Variants in EVC observed in about 807,000 individuals in gnomAD.
EVC encodes evC complex member EVC.
Under a neutral mutation model 118.9 loss-of-function variants are expected in EVC, and 116 were observed. The observed-to-expected ratio is 0.98, with a 90% confidence interval of 0.84 to 1.14. The LOEUF (loss-of-function observed/expected upper bound fraction) is 1.14. EVC is among the 50% of genes most tolerant of loss of function. The pLI, the probability that EVC is intolerant of heterozygous loss-of-function variation, is 0.00. For synonymous variants in EVC, 619 were observed against 534.7 expected (o/e 1.16, Z -2.18); for missense variants, 1,401 against 1,246.4 (o/e 1.12, Z -1.87).
chr4:5,800,310 A>C (rs956908084), intron 15 of EVC, among the ~76,000 whole-genome samples: 14 of 152,126 alleles, frequency 9.2e-5, no homozygotes, highest in African/African-American at 3.1e-4. Flanking sequence ...ACACCACTGC[A>C]CTCCAGCCTG....
intron 11 of EVC, among the ~76,000 whole-genome samples, chr4:5,757,156 T>C (rs12501386): frequency 1.3e-5 from 2 of 151,992 alleles, no homozygotes; most frequent in African/African-American, 4.8e-5. Context: ...AGGACTGTGT[T>C]TGGGGACCCG....
In EVC at chr4:5,737,441, T is replaced by A. The variant is rs1002746887; in HGVS notation, c.702+4006T>A. On this transcript the variant is annotated intron_variant, in intron 5 of 20. Transcript: ENST00000264956. This position sits in a 1 kb window ranked among gnomAD's most constrained non-coding sequence, Gnocchi z 5.0. Reference sequence around the variant, plus strand: ...TCAATGCAGATGAAATAGCACAATATGGTCATGGAAGAAGATGCCATCTAA... The same window carrying A: ...TCAATGCAGATGAAATAGCACAATAAGGTCATGGAAGAAGATGCCATCTAA... Among the ~76,000 whole-genome samples, 2 of 152,194 alleles carry A rather than the reference T, an allele frequency of 1.3e-5. No individual in the cohort carries two copies. Among genetic ancestry groups the A allele is most frequent in the African/African-American group, 4.8e-5 (2 of 41,448 alleles).
the EVC span, among the ~76,000 whole-genome samples, chr4:5,820,495 AAG>A: frequency 1.3e-5 from 2 of 152,202 alleles, no homozygotes; most frequent in African/African-American, 4.8e-5. Flanking sequence ...TACAAGAAGA[AAG>A]AGAGCCAGGA....
intron 2 of EVC, among the ~76,000 whole-genome samples, chr4:5,722,549 G>A (rs1022283825): frequency 3.9e-5 from 6 of 152,118 alleles, no homozygotes; most frequent in African/African-American, 1.2e-4. Flanking sequence ...CCACGCCTTG[G>A]ATGACCTCTG....
chr4:5,752,579 C>T (rs1041096864), intron 8 of EVC: 12 of 571,300 alleles, frequency 2.1e-5, no homozygotes, highest in African/African-American at 1.3e-4. Context: ...CTCTGGGGAG[C>T]GCTACTGGTG....
At position 5,771,537 on chromosome 4, in the gene EVC, C is replaced by T. The variant is rs1007291933; in HGVS notation, c.1564-12015C>T. 5.3e-5 allele frequency among the ~76,000 whole-genome samples: 8 copies of T among 152,140 alleles called. No individual in the cohort carries two copies. In the East Asian group the frequency reaches 5.8e-4, roughly 11 times the overall value. ...TGCTCAAAGGTTCCAGGGATTGGGA[C>T]GTGGACATCTTTAGGGAGACATTCT... On this transcript the variant is annotated intron_variant, in intron 11 of 20. Coordinates refer to ENST00000264956, the MANE Select transcript of EVC (RefSeq NM_153717.3).
At chr4:5,801,313 A>C (rs1714926484) in intron 15 of EVC, among the ~76,000 whole-genome samples, 1 of 152,196 alleles carries the variant, frequency 6.6e-6, no homozygotes, top group Non-Finnish European at 1.5e-5. Context: ...TCCAGATGTC[A>C]GGCCTGCATT....
chr4:5,761,750 C>T lies in EVC; in HGVS notation c.1563+5388C>T, dbSNP rs183761403. 1.1e-3 allele frequency among the ~76,000 whole-genome samples: 160 copies of T among 151,756 alleles called. 3 individuals are homozygous for T. Among genetic ancestry groups the T allele is most frequent in the African/African-American group, 3.8e-3 (155 of 41,222 alleles). ...CTGTTTAGTCCTTAGGGAAGAAAGCCTTATGGTGGTTGGCTAGCAAGGGAA... is the reference window on the plus strand; with the variant it reads ...CTGTTTAGTCCTTAGGGAAGAAAGCTTTATGGTGGTTGGCTAGCAAGGGAA... On this transcript the variant is annotated intron_variant, in intron 11 of 20. Coordinates refer to ENST00000264956, the MANE Select transcript of EVC (RefSeq NM_153717.3).
intron 2 of EVC, among the ~76,000 whole-genome samples, chr4:5,728,644 G>A (rs1726255895): frequency 6.6e-6 from 1 of 152,192 alleles, no homozygotes; most frequent in South Asian, 2.1e-4. Flanking sequence ...TACTCTGCTG[G>A]TTTACTATCT....
chr4:5,761,918 ATTAT>A (rs1366512580), intron 11 of EVC, among the ~76,000 whole-genome samples: 1 of 151,282 alleles, frequency 6.6e-6, no homozygotes, highest in Non-Finnish European at 1.5e-5. Context: ...TTTTTTAATT[ATTAT>A]TTAAGTTTTA....
chr4:5,801,902 CCCA>C (rs1218483585), intron 15 of EVC, 45 bp from the exon 16 acceptor site: 1 of 1,603,058 alleles, frequency 6.2e-7, no homozygotes, highest in Admixed American at 1.7e-5. Context: ...GTGGGTGGCT[CCCA>C]CGTGTGACTT....
downstream of EVC, among the ~76,000 whole-genome samples, chr4:5,818,227 G>A (rs1030691865): frequency 3.3e-5 from 5 of 152,170 alleles, no homozygotes; most frequent in Non-Finnish European, 5.9e-5. Flanking sequence ...CTTCTGCCAT[G>A]ATTGTGAAGT....
intron 2 of EVC, among the ~76,000 whole-genome samples, chr4:5,722,522 G>A (rs535705018): frequency 3.0e-4 from 46 of 152,222 alleles, no homozygotes; most frequent in African/African-American, 1.1e-3. Flanking sequence ...CAGAAAACCA[G>A]GGCCTTGTGG....
the EVC span, chr4:5,828,256 C>T: frequency 6.1e-6 from 6 of 985,338 alleles, no homozygotes; most frequent in Non-Finnish European, 7.2e-6. Context: ...CTCACGGGTG[C>T]ACACCCCTCT....
intron 13 of EVC, among the ~76,000 whole-genome samples, 165 bp downstream of exon 13, chr4:5,793,882 G>T (rs1043707850): frequency 6.6e-6 from 1 of 152,108 alleles, no homozygotes; most frequent in Non-Finnish European, 1.5e-5. Flanking sequence ...TATAAAATGG[G>T]ATAATGCTAT....
rs1714093959 is a variant in EVC, at chr4:5,797,056, C to T, written c.1921C>T (p.Leu641=). ...TRCVLQGHDL[L]LRSALRRLAL... ...GTGTGTCCTGCAGGGGCATGACCTGCTGTTGCGCTCAGCCCTCCGGAGGCT... is the reference window on the plus strand; with the variant it reads ...GTGTGTCCTGCAGGGGCATGACCTGTTGTTGCGCTCAGCCCTCCGGAGGCT... The change falls in exon 14 of 21, where the codon CTG becomes TTG. Residue 641 remains leucine, a synonymous_variant. Coordinates refer to ENST00000264956, the MANE Select transcript of EVC (RefSeq NM_153717.3). The T allele has an allele frequency of 6.2e-7, 1 of 1,613,384 alleles. No individual in the cohort carries two copies. The highest frequency in any genetic ancestry group is 8.5e-7 in the Non-Finnish European group (1 of 1,179,922).
chr4:5,767,961 C>T (rs983511052), intron 11 of EVC, among the ~76,000 whole-genome samples: 1 of 152,216 alleles, frequency 6.6e-6, no homozygotes, highest in African/African-American at 2.4e-5. Flanking sequence ...TTTTCTTCCT[C>T]AGTCTGCTAA....
chr4:5,767,488 T>C (rs192102713), intron 11 of EVC, among the ~76,000 whole-genome samples: 35,314 of 144,810 alleles, frequency 0.24, 4,703 homozygotes, highest in East Asian at 0.3. Context: ...GGCGGGCGCC[T>C]CTCCCCCAGC....
chr4:5,768,812 A>C (rs969078520), intron 11 of EVC, among the ~76,000 whole-genome samples: 1 of 127,298 alleles, frequency 7.9e-6, no homozygotes, highest in South Asian at 2.3e-4. Context: ...AGGCGAGATC[A>C]CACCACTGTA....
Sources: gnomAD v4.1 joint callset for allele counts (sites outside exome capture counted in the v4.1 genomes callset) on GRCh38, gnomAD v4.1.1 for gene constraint, Gnocchi (gnomAD v3.1) non-coding constraint, MANE v1.5 for transcripts, NCBI Gene and HGNC (gene_info 2026-07-23, HGNC 2026-07-21) for gene names.